Variants in FGF14 observed in about 807,000 individuals in gnomAD.
FGF14 encodes the protein fibroblast growth factor homologous factor 4.
FGF14 carries 5 observed loss-of-function variants against 25.5 expected under a neutral mutation model. The observed-to-expected ratio is 0.20, with a 90% CI of 0.10 to 0.41. The LOEUF (loss-of-function observed/expected upper bound fraction) is 0.41, where lower values mean the gene tolerates loss of function less well. FGF14 is among the 10% of genes least tolerant of loss of function. FGF14 has a pLI of 1.00. For synonymous variants in FGF14, 138 were observed against 118.3 expected (o/e 1.17, Z -1.08); for missense variants, 222 against 320.1 (o/e 0.69, Z 2.34).
intron 3 of FGF14, among the ~76,000 whole-genome samples, chr13:101,806,194 G>T (rs1056882399): frequency 2.0e-5 from 3 of 151,876 alleles, no homozygotes; most frequent in African/African-American, 7.3e-5. Context: ...ACCCTAGGTG[G>T]GTGGATCACA....
intron 1 of FGF14, among the ~76,000 whole-genome samples, chr13:102,339,213 C>T (rs1182421846): frequency 6.6e-6 from 1 of 151,424 alleles, no homozygotes; most frequent in Admixed American, 6.6e-5. Flanking sequence ...TATATACCTA[C>T]TATTTAAACA....
intron 1 of FGF14, among the ~76,000 whole-genome samples, chr13:102,251,339 GCT>G (rs1346370811): frequency 6.6e-6 from 1 of 152,092 alleles, no homozygotes; most frequent in Admixed American, 6.6e-5. Flanking sequence ...CAGTCAGAAG[GCT>G]CTGAGTGAGG....
At chr13:102,047,485 A>C (rs2042036087) in intron 1 of FGF14, among the ~76,000 whole-genome samples, 1 of 152,202 alleles carries the variant, frequency 6.6e-6, no homozygotes, top group African/African-American at 2.4e-5. Context: ...TACACCATGG[A>C]ATACTATGCA....
At chr13:102,192,304 A>G (rs1363774368) in intron 1 of FGF14, among the ~76,000 whole-genome samples, 1 of 152,176 alleles carries the variant, frequency 6.6e-6, no homozygotes, top group Non-Finnish European at 1.5e-5. Context: ...CTGACCCCTT[A>G]GTTCAAATTG....
At chr13:102,253,611 A>T (rs970101195) in intron 1 of FGF14, among the ~76,000 whole-genome samples, 4 of 152,116 alleles carry the variant, frequency 2.6e-5, no homozygotes. Context: ...CCCATTCTGT[A>T]GGTTGCCTGT....
At chr13:102,040,492 A>G (rs1199693723) in intron 1 of FGF14, among the ~76,000 whole-genome samples, 4 of 152,166 alleles carry the variant, frequency 2.6e-5, no homozygotes, top group East Asian at 3.9e-4. Flanking sequence ...ATGTCACTCT[A>G]TATCTTTGAG....
intron 1 of FGF14, among the ~76,000 whole-genome samples, chr13:102,372,124 T>C (rs1342530671): frequency 6.6e-6 from 1 of 152,194 alleles, no homozygotes; most frequent in Non-Finnish European, 1.5e-5. Flanking sequence ...AATGCTATAA[T>C]TTAGTCTTTT....
chr13:101,787,925 G>A (rs2039941938), intron 3 of FGF14, among the ~76,000 whole-genome samples: 1 of 152,170 alleles, frequency 6.6e-6, no homozygotes, highest in East Asian at 1.9e-4. Context: ...AGGCTAGGGT[G>A]CAGTGGCAGG....
intron 1 of FGF14, among the ~76,000 whole-genome samples, chr13:102,048,288 G>C (rs527637329): frequency 2.0e-5 from 3 of 152,250 alleles, no homozygotes; most frequent in South Asian, 2.1e-4. Context: ...TTCTAGAAAA[G>C]GGGGTGTGAG....
chr13:101,862,486 C>T (rs912533061), intron 3 of FGF14, among the ~76,000 whole-genome samples: 2 of 151,994 alleles, frequency 1.3e-5, no homozygotes, highest in African/African-American at 4.8e-5. Flanking sequence ...TAGCTTCAAC[C>T]TAACAAATAA....
chr13:102,067,011 T>A (rs2042931865), intron 1 of FGF14, among the ~76,000 whole-genome samples: 1 of 152,192 alleles, frequency 6.6e-6, no homozygotes, highest in Non-Finnish European at 1.5e-5. Flanking sequence ...TCTCACCATG[T>A]CTCCTACTGC....
intron 1 of FGF14, among the ~76,000 whole-genome samples, chr13:102,238,642 T>C (rs1367533710): frequency 6.6e-6 from 1 of 152,270 alleles, no homozygotes; most frequent in East Asian, 1.9e-4. Flanking sequence ...TCCATGTTGT[T>C]ATAGCCAAGA....
chr13:102,258,583 G>A (rs574378071), intron 1 of FGF14, among the ~76,000 whole-genome samples: 1 of 152,178 alleles, frequency 6.6e-6, no homozygotes, highest in South Asian at 2.1e-4. Context: ...GTCTGGGGAC[G>A]GGAGCCCATG....
intron 1 of FGF14, among the ~76,000 whole-genome samples, chr13:102,006,640 C>T (rs1032086004): frequency 2.0e-5 from 3 of 150,180 alleles, no homozygotes; most frequent in Non-Finnish European, 4.4e-5. Flanking sequence ...AGACACAAGC[C>T]TTTTAGTACC....
At chr13:101,762,747 T>C (rs2038110505) in intron 3 of FGF14, among the ~76,000 whole-genome samples, 1 of 152,212 alleles carries the variant, frequency 6.6e-6, no homozygotes, top group Non-Finnish European at 1.5e-5. Context: ...AAATACCTGC[T>C]GGGAACCTGA....
chr13:102,258,874 C>T (rs1024026159), intron 1 of FGF14, among the ~76,000 whole-genome samples: 6 of 152,112 alleles, frequency 3.9e-5, no homozygotes, highest in Non-Finnish European at 8.8e-5. Flanking sequence ...TAAACACAGA[C>T]CATTACAATT....
chr13:101,966,464 A>C (rs936394997), intron 1 of FGF14, among the ~76,000 whole-genome samples: 3 of 144,982 alleles, frequency 2.1e-5, no homozygotes. Context: ...TAGAGAATAA[A>C]TCTTGTGGTT....
intron 1 of FGF14, among the ~76,000 whole-genome samples, chr13:102,072,870 A>C (rs1193243161): frequency 6.6e-6 from 1 of 152,192 alleles, no homozygotes; most frequent in Non-Finnish European, 1.5e-5. Context: ...TAAATGTGTA[A>C]ATTGGGCGAA....
At chr13:101,943,824 A>ATATATATATATATATATATATATATATAT (rs553788083) in intron 1 of FGF14, among the ~76,000 whole-genome samples, 1 of 126,944 alleles carries the variant, frequency 7.9e-6, no homozygotes, top group African/African-American at 3.7e-5. Context: ...AAAAAAAAAA[A>ATATATATATATATATATATATATATATAT]AAATATATAT....
Sources: gnomAD v4.1 joint callset for allele counts (sites outside exome capture counted in the v4.1 genomes callset) on GRCh38, gnomAD v4.1.1 for gene constraint, MANE v1.5 for transcripts, NCBI Gene and HGNC (gene_info 2026-07-23, HGNC 2026-07-21) for gene names.